Variants in CACNA2D3 observed in about 807,000 individuals in gnomAD.
CACNA2D3 encodes calcium voltage-gated channel auxiliary subunit alpha2delta 3, also known as voltage-dependent calcium channel subunit alpha-2/delta-3.
In CACNA2D3, 60 loss-of-function variants were observed where a neutral mutation model predicts 160.6. The ratio of observed to expected loss-of-function variants is 0.37; its 90% CI spans 0.30 to 0.46. CACNA2D3 has a LOEUF of 0.46. CACNA2D3 is among the 20% of genes least tolerant of loss of function. The pLI is 1.00. For synonymous variants in CACNA2D3, 558 were observed against 492.9 expected, an observed-to-expected ratio of 1.13 and a Z score of -1.75; for missense variants, 1,205 against 1,365.0, an observed-to-expected ratio of 0.88 and a Z score of 1.85.
intron 2 of CACNA2D3, among the ~76,000 whole-genome samples, chr3:54,318,876 A>C (rs73081630): frequency 0.31 from 47,092 of 151,396 alleles, 7,944 homozygotes; most frequent in South Asian, 0.42. Flanking sequence ...AACAAACAAA[A>C]AAAAATTTGT....
rs142921700 is a variant in CACNA2D3, at chr3:54,975,247, G to A, written c.2556+5403G>A. ...CTATAAAGAAAATGTGGCTGGGCAC[G>A]ATGGCTCACACCTGTAATCCCAGCA... On this transcript the variant is annotated intron_variant, in intron 29 of 37. Transcript: ENST00000474759. 6.4e-3 allele frequency among the ~76,000 whole-genome samples: 971 copies of A among 152,204 alleles called. 15 individuals are homozygous for A. The highest frequency in any genetic ancestry group is 0.022 in the African/African-American group (920 of 41,514).
rs59511751 is a variant in CACNA2D3 at position 54,488,498 on chromosome 3, A to G, written c.382-14994A>G. 9.7e-3 allele frequency among the ~76,000 whole-genome samples: 1,469 copies of G among 152,094 alleles called. 26 individuals carry two copies. Among genetic ancestry groups the G allele is most frequent in the African/African-American group, 0.033 (1,374 of 41,492 alleles). Reference sequence around the variant, plus strand: ...GAACAGTGGCCCGACTAGCCTCACAATAGCCCAGGCCCTTGGACTCTACAC... The same window carrying G: ...GAACAGTGGCCCGACTAGCCTCACAGTAGCCCAGGCCCTTGGACTCTACAC... On this transcript the variant is annotated intron_variant, in intron 4 of 37. Coordinates refer to ENST00000474759, the MANE Select transcript of CACNA2D3 (RefSeq NM_018398.3).
At chr3:54,759,989 G>C (rs1350058562) in intron 12 of CACNA2D3, among the ~76,000 whole-genome samples, 2 of 152,240 alleles carry the variant, frequency 1.3e-5, no homozygotes, top group African/African-American at 4.8e-5. Flanking sequence ...GAAAGGCAAG[G>C]TGGATCTCAG....
At chr3:54,461,519 C>T (rs7373475) in intron 4 of CACNA2D3, among the ~76,000 whole-genome samples, 62,161 of 150,922 alleles carry the variant, frequency 0.41, 13,763 homozygotes, top group Admixed American at 0.5. Flanking sequence ...GTGTACGTGT[C>T]GAGGAATTTA....
intron 2 of CACNA2D3, among the ~76,000 whole-genome samples, chr3:54,220,984 G>C (rs1024520166): frequency 6.6e-6 from 1 of 152,190 alleles, no homozygotes; most frequent in Non-Finnish European, 1.5e-5. Flanking sequence ...GGGAATGGAG[G>C]GGGTGAGAAA....
intron 11 of CACNA2D3, among the ~76,000 whole-genome samples, chr3:54,696,206 G>A (rs972587678): frequency 6.6e-6 from 1 of 152,268 alleles, no homozygotes; most frequent in Middle Eastern, 3.4e-3. Context: ...AATTGCTGGT[G>A]TTATTTGGAC....
At position 54,562,880 on chromosome 3, in the gene CACNA2D3, C is replaced by G. The variant is rs773084592; in HGVS notation, c.625C>G (p.Leu209Val). Residue 209 changes from leucine to valine, a missense_variant, in exon 6 of 38, where the codon CTC becomes GTC. Coordinates refer to ENST00000474759, the MANE Select transcript of CACNA2D3 (RefSeq NM_018398.3). ...FVDNFDRDPS[L>V]IWQYFGSAKG... is the part of the protein sequence containing the mutation. ...AGATAACTTTGACCGTGACCCATCT[C>G]TCATATGGCAGTACTTTGGAAGTGC... 1 of 1,613,708 alleles carries G rather than the reference C, an allele frequency of 6.2e-7. No individual in the cohort carries two copies. The highest frequency in any genetic ancestry group is 8.5e-7 in the Non-Finnish European group (1 of 1,179,646).
intron 29 of CACNA2D3, among the ~76,000 whole-genome samples, chr3:54,971,881 T>C (rs755720195): frequency 2.6e-4 from 39 of 152,154 alleles, no homozygotes; most frequent in Non-Finnish European, 5.6e-4. Flanking sequence ...TTCTCAACTA[T>C]ACAATGGGGA....
intron 2 of CACNA2D3, among the ~76,000 whole-genome samples, chr3:54,281,585 C>T (rs1702883263): frequency 6.6e-6 from 1 of 152,148 alleles, no homozygotes; most frequent in African/African-American, 2.4e-5. Flanking sequence ...GATGTGTGCC[C>T]ACCATGGTCA....
At chr3:54,248,297 A>G (rs62252249) in intron 2 of CACNA2D3, among the ~76,000 whole-genome samples, 1 of 152,070 alleles carries the variant, frequency 6.6e-6, no homozygotes, top group Non-Finnish European at 1.5e-5. Context: ...CCTGGCCAAC[A>G]TAGTGAAACC....
chr3:54,291,159 G>T (rs1191313862), intron 2 of CACNA2D3, among the ~76,000 whole-genome samples: 2 of 152,082 alleles, frequency 1.3e-5, no homozygotes, highest in Non-Finnish European at 2.9e-5. Flanking sequence ...CTAGCCTGTG[G>T]GTTATGAGTG....
chr3:55,059,365 A>G lies in CACNA2D3; in HGVS notation c.2988-14080A>G, dbSNP rs566045941. Among the ~76,000 whole-genome samples the G allele has an allele frequency of 9.8e-5, 15 of 152,346 alleles. No individual in the cohort carries two copies. In the South Asian group the frequency reaches 2.9e-3, roughly 29 times the overall value. On this transcript the variant is annotated intron_variant, in intron 35 of 37. Transcript: ENST00000474759. ...GAGAATCATTACATTACTATTGCCC[A>G]AACACATTTCCACATGAGATGTTGT...
At chr3:54,575,704 A>G (rs956214475) in intron 8 of CACNA2D3, among the ~76,000 whole-genome samples, 3 of 152,152 alleles carry the variant, frequency 2.0e-5, no homozygotes, top group Non-Finnish European at 4.4e-5. Context: ...TGGGTCATGT[A>G]TCGCCTGGGG....
intron 11 of CACNA2D3, among the ~76,000 whole-genome samples, chr3:54,693,390 AC>A (rs1439337857): frequency 6.6e-6 from 1 of 152,218 alleles, no homozygotes; most frequent in Admixed American, 6.5e-5. Flanking sequence ...CACATTACTC[AC>A]GTGTTTGTGG....
At chr3:54,896,726 T>G in intron 25 of CACNA2D3, 23 bp from the exon 26 acceptor site, 1 of 1,613,972 alleles carries the variant, frequency 6.2e-7, no homozygotes, top group Non-Finnish European at 8.5e-7. Context: ...ATGCATGTTC[T>G]TCTGATTCTT....
intron 11 of CACNA2D3, among the ~76,000 whole-genome samples, chr3:54,662,067 C>T (rs868652970): frequency 3.3e-5 from 5 of 152,064 alleles, no homozygotes; most frequent in African/African-American, 1.2e-4. Flanking sequence ...TCATAAATTA[C>T]ATAAGGGCAG....
chr3:54,650,098 C>T (rs552736444), intron 11 of CACNA2D3, among the ~76,000 whole-genome samples: 4 of 152,232 alleles, frequency 2.6e-5, no homozygotes, highest in South Asian at 4.2e-4. Context: ...TGTTCTACTT[C>T]GTCTTCATTT....
chr3:54,804,025 A>G (rs975550912), intron 13 of CACNA2D3, among the ~76,000 whole-genome samples: 1 of 152,150 alleles, frequency 6.6e-6, no homozygotes, highest in Non-Finnish European at 1.5e-5. Flanking sequence ...TGTCACCACC[A>G]GGCCTGCCCT....
At chr3:54,871,491 C>T (rs776117893) in intron 17 of CACNA2D3, 48 bp from the exon 18 acceptor site, 8 of 1,448,390 alleles carry the variant, frequency 5.5e-6, no homozygotes, top group Non-Finnish European at 6.8e-6. Context: ...TGGCTGATGA[C>T]TTCACGGACT....
Sources: allele counts gnomAD v4.1 joint callset (sites outside exome capture counted in the v4.1 genomes callset), GRCh38; gene constraint gnomAD v4.1.1; transcripts MANE v1.5; gene names NCBI Gene and HGNC (gene_info 2026-07-23, HGNC 2026-07-21).